Variants in AGBL1 observed in about 807,000 individuals in gnomAD.
AGBL1 encodes the protein cytosolic carboxypeptidase 4.
In AGBL1, 130 loss-of-function variants were observed where a neutral mutation model predicts 118.9. The ratio of observed to expected loss-of-function variants is 1.09; its 90% CI spans 0.95 to 1.26. The LOEUF (loss-of-function observed/expected upper bound fraction) is 1.26, where lower values mean the gene tolerates loss of function less well. Among genes scored for constraint, AGBL1 ranks in the 50% most tolerant of loss-of-function variants. The probability of loss-of-function intolerance (pLI) is 0.00; values close to 1 mark genes in which losing one functional copy is unlikely to be tolerated. For missense variants in AGBL1, 1,584 were observed against 1,298.1 expected (o/e 1.22, Z -3.38); for synonymous variants, 555 against 478.9 (o/e 1.16, Z -2.08).
intron 23 of AGBL1, among the ~76,000 whole-genome samples, chr15:86,976,075 A>G (rs2081173856): frequency 6.6e-6 from 1 of 152,042 alleles, no homozygotes; most frequent in African/African-American, 2.4e-5. Context: ...CATTGTAGAA[A>G]GTTTTAAAAT....
intron 24 of AGBL1, among the ~76,000 whole-genome samples, chr15:87,001,332 A>T (rs8037623): frequency 0.1 from 15,138 of 151,982 alleles, 1,426 homozygotes; most frequent in African/African-American, 0.24. Flanking sequence ...TATGGCTGCA[A>T]AGTATTGCAT....
At chr15:86,624,193 C>T (rs1402153571) in intron 21 of AGBL1, among the ~76,000 whole-genome samples, 1 of 152,210 alleles carries the variant, frequency 6.6e-6, no homozygotes, top group East Asian at 1.9e-4. Context: ...TTCTAAACTT[C>T]TCTAGGCAGG....
At chr15:86,503,112 T>C (rs750586759) in intron 18 of AGBL1, among the ~76,000 whole-genome samples, 32 of 151,686 alleles carry the variant, frequency 2.1e-4, no homozygotes, top group Admixed American at 5.3e-4. Context: ...AATAATTCAA[T>C]CTTTTATTTA....
rs1317991346 is a variant in AGBL1, at chr15:86,912,658, G to C, written c.*5364G>C. ...GCCTGGAAAATGGTGCCGTAGAGTC[G>C]ATTTCATATGCTAAGGGCAGCCTCT... On this transcript the variant is annotated 3_prime_UTR_variant, in exon 23 of 23. Coordinates refer to ENST00000614907, the MANE Select transcript of AGBL1 (RefSeq NM_001386094.1). 6.6e-6 allele frequency: 1 copy of C among 152,128 alleles called. No homozygotes were observed. Among genetic ancestry groups the C allele is most frequent in the Non-Finnish European group, 1.5e-5 (1 of 68,008 alleles). 9.4% of individuals were successfully genotyped at this position (152,128 alleles called of 1,614,324 possible).
intron 1 of AGBL1, among the ~76,000 whole-genome samples, chr15:86,095,469 G>A (rs557311918): frequency 6.6e-6 from 1 of 152,122 alleles, no homozygotes; most frequent in South Asian, 2.1e-4. Context: ...TTAGCACTCT[G>A]GAGATTCCAA....
chr15:86,290,675 TTTTA>T (rs1236209606), intron 16 of AGBL1, among the ~76,000 whole-genome samples: 1 of 149,074 alleles, frequency 6.7e-6, no homozygotes, highest in African/African-American at 2.5e-5. Flanking sequence ...TCTTATTATT[TTTTA>T]TTTATTTTTT....
At chr15:86,577,361 C>T (rs973325444) in intron 21 of AGBL1, among the ~76,000 whole-genome samples, 1 of 152,084 alleles carries the variant, frequency 6.6e-6, no homozygotes, top group Non-Finnish European at 1.5e-5. Context: ...AATTTCCAAG[C>T]AGCAAAGCAT....
At position 86,198,080 on chromosome 15, in the gene AGBL1, G is replaced by A. The variant is rs1013516043; in HGVS notation, c.489-26834G>A. ...GGATCTCTAACTGACAGAGTCATGG[G>A]GGTGACAGAGCATTGAACTAGAAAG... On this transcript the variant is annotated intron_variant, in intron 5 of 22. Transcript: ENST00000614907. Among the ~76,000 whole-genome samples, 3 of 152,248 alleles carry A rather than the reference G, an allele frequency of 2.0e-5. No homozygotes were observed. In the East Asian group the frequency reaches 5.8e-4, roughly 29 times the overall value.
At chr15:86,785,528 C>G (rs550009130) in intron 22 of AGBL1, among the ~76,000 whole-genome samples, 2 of 151,886 alleles carry the variant, frequency 1.3e-5, no homozygotes, top group Non-Finnish European at 2.9e-5. Flanking sequence ...GCGCACATCA[C>G]CACTAATTTT....
intron 22 of AGBL1, among the ~76,000 whole-genome samples, chr15:86,864,971 C>A (rs746700712): frequency 1.3e-5 from 2 of 152,132 alleles, no homozygotes; most frequent in Non-Finnish European, 2.9e-5. Flanking sequence ...CGTTTGTTTT[C>A]TTGCTTATTG....
chr15:86,414,372 A>G (rs2081661366), intron 18 of AGBL1, among the ~76,000 whole-genome samples: 2 of 152,146 alleles, frequency 1.3e-5, no homozygotes, highest in South Asian at 4.1e-4. Flanking sequence ...TGGTCAAAAC[A>G]TCACAAATAT....
At chr15:86,243,667 C>T (rs1189816663) in intron 6 of AGBL1, among the ~76,000 whole-genome samples, 1 of 152,010 alleles carries the variant, frequency 6.6e-6, no homozygotes, top group Non-Finnish European at 1.5e-5. Context: ...ACGAAAGACC[C>T]TCAGAACTCT....
intron 22 of AGBL1, among the ~76,000 whole-genome samples, chr15:86,779,192 G>C (rs2078298369): frequency 6.6e-6 from 1 of 152,112 alleles, no homozygotes; most frequent in Non-Finnish European, 1.5e-5. Flanking sequence ...AATGTGATAT[G>C]AATGGGATGT....
At chr15:86,953,390 C>T (rs1386866482) in intron 23 of AGBL1, among the ~76,000 whole-genome samples, 2 of 145,350 alleles carry the variant, frequency 1.4e-5, no homozygotes, top group South Asian at 2.2e-4. Flanking sequence ...TCTTGGTAAG[C>T]TGTATTTGGA....
At chr15:86,658,217 A>C (rs1332735419) in intron 21 of AGBL1, among the ~76,000 whole-genome samples, 1 of 152,172 alleles carries the variant, frequency 6.6e-6, no homozygotes, top group Admixed American at 6.5e-5. Context: ...ACTATCATGA[A>C]GCAATTAATA....
At chr15:86,651,084 C>CA (rs1446403910) in intron 21 of AGBL1, among the ~76,000 whole-genome samples, 1 of 152,132 alleles carries the variant, frequency 6.6e-6, no homozygotes, top group East Asian at 1.9e-4. Context: ...TATATTCCCC[C>CA]AACATACAAC....
rs12324737 is a variant in AGBL1 at position 86,934,901 on chromosome 15, C to T, written c.3222-53086C>T. 9.2e-3 allele frequency among the ~76,000 whole-genome samples: 1,399 copies of T among 152,194 alleles called. 20 individuals carry two copies. The highest frequency in any genetic ancestry group is 0.032 in the African/African-American group (1,338 of 41,504). On this transcript the variant is annotated intron_variant, in intron 23 of 24. Coordinates refer to the AGBL1 transcript ENST00000441037. ...GATTTTGGGGAAATTGTTGGTAGGA[C>T]GATAAGACATACTCCAGATATTCTG...
At chr15:86,215,374 TCCA>T (rs1331151645) in intron 5 of AGBL1, among the ~76,000 whole-genome samples, 1 of 152,124 alleles carries the variant, frequency 6.6e-6, no homozygotes, top group East Asian at 1.9e-4. Context: ...TCCTGCTTTA[TCCA>T]CCTGTTATTT....
At chr15:86,517,376 G>C (rs1019920502) in intron 18 of AGBL1, among the ~76,000 whole-genome samples, 7 of 152,182 alleles carry the variant, frequency 4.6e-5, no homozygotes, top group African/African-American at 1.7e-4. Context: ...ATATCTCACA[G>C]GCTACCAGGT....
Sources: allele counts gnomAD v4.1 joint callset (sites outside exome capture counted in the v4.1 genomes callset), GRCh38; gene constraint gnomAD v4.1.1; transcripts MANE v1.5; gene names NCBI Gene and HGNC (gene_info 2026-07-23, HGNC 2026-07-21).